HGF: variants seen among roughly 807,000 people sequenced by gnomAD.
The protein encoded by HGF is fibroblast-derived tumor cytotoxic factor.
Under a neutral mutation model 111.6 loss-of-function variants are expected in HGF, and 39 were observed. That is an observed-to-expected ratio of 0.35 (90% confidence interval 0.27 to 0.46). The LOEUF is 0.46. Among genes scored for constraint, HGF ranks in the 20% least tolerant of loss-of-function variants. The pLI is 1.00. For synonymous variants in HGF, 285 were observed against 294.8 expected, an observed-to-expected ratio of 0.97 and a Z score of 0.34; for missense variants, 735 against 910.5, an observed-to-expected ratio of 0.81 and a Z score of 2.48.
At chr7:81,752,481 A>C (rs1788553063) in intron 4 of HGF, among the ~76,000 whole-genome samples, 1 of 152,028 alleles carries the variant, frequency 6.6e-6, no homozygotes, top group Middle Eastern at 3.2e-3. Context: ...ATTCACCATC[A>C]AGTTAGAAAG....
intron 3 of HGF, 137 bp from the exon 4 acceptor site, chr7:81,757,440 C>T: frequency 1.5e-6 from 1 of 647,310 alleles, no homozygotes; most frequent in Admixed American, 2.5e-5. Context: ...TTGCCTAAAG[C>T]TTCTACTAGT....
intron 17 of HGF, among the ~76,000 whole-genome samples, chr7:81,703,106 A>G (rs1789329369): frequency 6.6e-6 from 1 of 151,698 alleles, no homozygotes; most frequent in African/African-American, 2.4e-5. Flanking sequence ...TAGATTTGAT[A>G]TTTATTTTGA....
intron 8 of HGF, among the ~76,000 whole-genome samples, chr7:81,727,042 T>C (rs1790030971): frequency 1.9e-5 from 1 of 53,498 alleles, no homozygotes; most frequent in South Asian, 9.5e-4. Flanking sequence ...ACTGAGGTTT[T>C]TTTTTTGTTT....
At chr7:81,741,569 GTGTGTGTGTGTGTC>G (rs929166611) in intron 7 of HGF, among the ~76,000 whole-genome samples, 8 of 148,378 alleles carry the variant, frequency 5.4e-5, no homozygotes, top group African/African-American at 2.0e-4. Flanking sequence ...GAGTGTGTAT[GTGTGTGTGTGTGTC>G]TGTGTGTGTG....
chr7:81,750,758 C>G (rs2116099906), intron 5 of HGF: 1 of 180,180 alleles, frequency 5.6e-6, no homozygotes, highest in African/African-American at 2.4e-5. Flanking sequence ...AAACAAAACC[C>G]CTTGTCAATG....
chr7:81,736,358 G>C (rs1206195657), intron 7 of HGF, among the ~76,000 whole-genome samples: 1 of 152,050 alleles, frequency 6.6e-6, no homozygotes, highest in African/African-American at 2.4e-5. Flanking sequence ...CCTTCTAGGT[G>C]ATCAGGTCAA....
At chr7:81,727,998 G>A (rs1790064472) in intron 8 of HGF, among the ~76,000 whole-genome samples, 1 of 152,150 alleles carries the variant, frequency 6.6e-6, no homozygotes, top group African/African-American at 2.4e-5. Flanking sequence ...CACAGGCAGT[G>A]TTGTTCAGTT....
intron 13 of HGF, 148 bp downstream of exon 13, chr7:81,709,999 C>G (rs1416923619): frequency 9.0e-6 from 6 of 667,904 alleles, no homozygotes; most frequent in Non-Finnish European, 1.4e-5. Context: ...GTCTGGCAAG[C>G]AGATGTGATC....
chr7:81,717,034 A>G (rs1340172342), intron 11 of HGF, among the ~76,000 whole-genome samples, 198 bp downstream of exon 11: 1 of 152,098 alleles, frequency 6.6e-6, no homozygotes, highest in Non-Finnish European at 1.5e-5. Context: ...CTTCTTATCT[A>G]TACGAGAGAT....
chr7:81,767,674 C>T (rs574360528), intron 1 of HGF, among the ~76,000 whole-genome samples: 3 of 152,192 alleles, frequency 2.0e-5, no homozygotes, highest in African/African-American at 7.2e-5. Flanking sequence ...TTGAATATTT[C>T]TTAAGCTTTT....
intron 2 of HGF, among the ~76,000 whole-genome samples, chr7:81,761,316 T>G (rs1031519382): frequency 6.6e-6 from 1 of 152,194 alleles, no homozygotes; most frequent in Admixed American, 6.5e-5. Flanking sequence ...TCCCGGAAAT[T>G]GGCAGTTTCA....
chr7:81,727,393 T>G (rs1790046895), intron 8 of HGF, among the ~76,000 whole-genome samples: 1 of 152,048 alleles, frequency 6.6e-6, no homozygotes, highest in Non-Finnish European at 1.5e-5. Context: ...AGAAAGTCAA[T>G]AAGTATTAGT....
chr7:81,750,337 G>A (rs1415097045), intron 5 of HGF, among the ~76,000 whole-genome samples: 1 of 152,140 alleles, frequency 6.6e-6, no homozygotes, highest in African/African-American at 2.4e-5. Flanking sequence ...TCTCCCACAG[G>A]AGAGTTATTC....
In HGF at chr7:81,769,731, A is replaced by G. The variant is rs115765975; in HGVS notation, c.88+153T>C. On this transcript the variant is annotated intron_variant, in intron 1 of 17. Coordinates refer to ENST00000222390, the MANE Select transcript of HGF (RefSeq NM_000601.6). ...AACAACAAAAAAGAATGTCAAAAAA[A>G]GCATAATGAGAGCTTTTAGAAACCT... is the stretch of plus-strand genomic sequence containing the variant. 2.1e-3 allele frequency among the ~76,000 whole-genome samples: 313 copies of G among 152,308 alleles called. 1 individual carries two copies. The highest frequency in any genetic ancestry group is 6.9e-3 in the African/African-American group (287 of 41,558).
intron 13 of HGF, 86 bp downstream of exon 13, chr7:81,710,061 C>G: frequency 1.1e-6 from 1 of 949,608 alleles, no homozygotes; most frequent in Non-Finnish European, 1.7e-6. Context: ...GTACAACCTT[C>G]AGGACCACAT....
chr7:81,742,575 C>A, intron 7 of HGF: 3 of 414,396 alleles, frequency 7.2e-6, no homozygotes, highest in Admixed American at 5.2e-5. Flanking sequence ...AAAAATTAGC[C>A]CTGTATTCAA....
At chr7:81,763,024 G>C (rs1211900631) in intron 1 of HGF, 152 bp from the exon 2 acceptor site, 2 of 610,484 alleles carry the variant, frequency 3.3e-6, no homozygotes, top group Admixed American at 5.9e-5. Flanking sequence ...GTGAGGTAGG[G>C]AATAGTTAAG....
intron 11 of HGF, among the ~76,000 whole-genome samples, chr7:81,713,717 A>C (rs1234689226): frequency 6.6e-6 from 1 of 152,090 alleles, no homozygotes; most frequent in East Asian, 1.9e-4. Flanking sequence ...TTTAACAAGC[A>C]TCCTAGGTTC....
chr7:81,718,142 C>T (rs1789761656), intron 10 of HGF, among the ~76,000 whole-genome samples: 1 of 152,208 alleles, frequency 6.6e-6, no homozygotes, highest in East Asian at 1.9e-4. Flanking sequence ...TTATTAATTG[C>T]TACCATGCTT....
Sources: gnomAD v4.1 joint callset for allele counts (sites outside exome capture counted in the v4.1 genomes callset) on GRCh38, gnomAD v4.1.1 for gene constraint, MANE v1.5 for transcripts, NCBI Gene and HGNC (gene_info 2026-07-23, HGNC 2026-07-21) for gene names.